The following GTF2H1 variants were observed in gnomAD, a reference collection of about 807,000 sequenced individuals.
The protein encoded by GTF2H1 is general transcription factor IIH subunit 1.
GTF2H1 carries 16 observed loss-of-function variants against 71.2 expected under a neutral mutation model. That is an observed-to-expected ratio of 0.22 (90% CI 0.15 to 0.34). The LOEUF (loss-of-function observed/expected upper bound fraction) is 0.34. Among genes scored for constraint, GTF2H1 ranks in the 10% least tolerant of loss-of-function variants. The pLI is 1.00. For missense variants in GTF2H1, 498 were observed against 648.2 expected (o/e 0.77, Z 2.52); for synonymous variants, 215 against 219.0 (o/e 0.98, Z 0.16).
intron 14 of GTF2H1, among the ~76,000 whole-genome samples, chr11:18,365,327 A>G (rs1043896896): frequency 1.3e-5 from 2 of 152,058 alleles, no homozygotes; most frequent in Non-Finnish European, 2.9e-5. Flanking sequence ...GCAGTGAGCC[A>G]AAATCACACC....
At chr11:18,334,147 A>G (rs1864967331) in intron 2 of GTF2H1, among the ~76,000 whole-genome samples, 1 of 152,172 alleles carries the variant, frequency 6.6e-6, no homozygotes, top group Admixed American at 6.5e-5. Context: ...TGGGAGGCCG[A>G]GGTGGGCGGA....
intron 9 of GTF2H1, among the ~76,000 whole-genome samples, chr11:18,349,456 G>C (rs1865377597): frequency 6.6e-6 from 1 of 152,166 alleles, no homozygotes; most frequent in South Asian, 2.1e-4. Flanking sequence ...TCCAAGGTGG[G>C]TGGATCACTT....
intron 1 of GTF2H1, among the ~76,000 whole-genome samples, chr11:18,323,429 C>T (rs1219414531): frequency 6.6e-6 from 1 of 151,926 alleles, no homozygotes; most frequent in Non-Finnish European, 1.5e-5. Context: ...CCCAAAGCGC[C>T]AGAATTATGC....
At chr11:18,341,462 C>T (rs770782221) in intron 6 of GTF2H1, 52 bp downstream of exon 6, 58 of 1,603,022 alleles carry the variant, frequency 3.6e-5, no homozygotes, top group Non-Finnish European at 4.9e-5. Context: ...ACCCTCTAGA[C>T]ATTATAAGTG....
intron 14 of GTF2H1, among the ~76,000 whole-genome samples, chr11:18,361,817 C>T (rs1865709511): frequency 6.6e-6 from 1 of 152,188 alleles, no homozygotes; most frequent in Non-Finnish European, 1.5e-5. Context: ...TTCCTGGGTT[C>T]TATTTGGCAT....
chr11:18,359,346 G>A (rs1865643794), intron 13 of GTF2H1, among the ~76,000 whole-genome samples: 1 of 152,136 alleles, frequency 6.6e-6, no homozygotes. Context: ...TTGGAGACCA[G>A]CCTGGACAAC....
Position 18,362,724 on chromosome 11 carries a change from G to A in GTF2H1, c.1560+2017G>A, listed in dbSNP as rs77240946. ...CTAGTTCTGTCGCCCAGGCTGGAGTGCAATGGCATGATCACAGCTCATTGC... is the reference window on the plus strand; with the variant it reads ...CTAGTTCTGTCGCCCAGGCTGGAGTACAATGGCATGATCACAGCTCATTGC... On this transcript the variant is annotated intron_variant, in intron 14 of 14. Coordinates refer to ENST00000265963, the MANE Select transcript of GTF2H1 (RefSeq NM_005316.4). Among the ~76,000 whole-genome samples, 1,569 of 140,414 alleles carry A rather than the reference G, an allele frequency of 0.011. 58 individuals are homozygous for A. In the East Asian group the frequency reaches 0.14, roughly 12 times the overall value. 92.1% of individuals were successfully genotyped at this position (140,414 alleles called of 152,430 possible). A position where few individuals can be genotyped will look rare whatever the true frequency, so the allele number is the denominator to read the frequency against.
chr11:18,339,761 T>C, intron 5 of GTF2H1, 104 bp downstream of exon 5: 2 of 671,892 alleles, frequency 3.0e-6, no homozygotes, highest in Non-Finnish European at 5.0e-6. Flanking sequence ...GTGCAATAAA[T>C]TATGTAAAGT....
chr11:18,339,938 C>T (rs929423357), intron 5 of GTF2H1, among the ~76,000 whole-genome samples: 4 of 152,158 alleles, frequency 2.6e-5, no homozygotes, highest in African/African-American at 4.8e-5. Context: ...AATTACTTCC[C>T]GTGCAGATGC....
chr11:18,336,508 G>T (rs906762339), intron 3 of GTF2H1, among the ~76,000 whole-genome samples: 1 of 152,092 alleles, frequency 6.6e-6, no homozygotes, highest in Non-Finnish European at 1.5e-5. Flanking sequence ...TTAGTTTTCA[G>T]CTTTAAAATC....
chr11:18,336,309 T>TA (rs1554953866), intron 3 of GTF2H1, among the ~76,000 whole-genome samples: 8 of 151,984 alleles, frequency 5.3e-5, no homozygotes, highest in Non-Finnish European at 1.2e-4. Flanking sequence ...GTAATTTTAA[T>TA]AGAGACAGGG....
At chr11:18,323,140 CTT>C (rs1014045150) in intron 1 of GTF2H1, among the ~76,000 whole-genome samples, 2 of 152,194 alleles carry the variant, frequency 1.3e-5, no homozygotes, top group African/African-American at 4.8e-5. Flanking sequence ...TCTTACCTCT[CTT>C]AAAAACCTTA....
chr11:18,323,472 C>T (rs1864616292), intron 1 of GTF2H1, among the ~76,000 whole-genome samples: 1 of 151,798 alleles, frequency 6.6e-6, no homozygotes, highest in South Asian at 2.1e-4. Context: ...CTCCTAAACT[C>T]CAATTTTAGC....
chr11:18,349,622 G>T (rs1231528882), intron 9 of GTF2H1, among the ~76,000 whole-genome samples: 1 of 152,204 alleles, frequency 6.6e-6, no homozygotes, highest in African/African-American at 2.4e-5. Context: ...GGCGGAGTTC[G>T]CAGTGAGCTG....
intron 11 of GTF2H1, among the ~76,000 whole-genome samples, chr11:18,355,898 A>G (rs933701108): frequency 6.6e-6 from 1 of 152,170 alleles, no homozygotes; most frequent in Admixed American, 6.5e-5. Context: ...AAGTCTACCC[A>G]TGCCCCTTTA....
chr11:18,336,157 C>T (rs1256796270), intron 3 of GTF2H1, among the ~76,000 whole-genome samples: 7 of 151,282 alleles, frequency 4.6e-5, no homozygotes, highest in South Asian at 2.1e-4. Flanking sequence ...GACGGAGTTT[C>T]GCTCTGTCGC....
At chr11:18,324,052 ATTT>A (rs11287920) in intron 1 of GTF2H1, among the ~76,000 whole-genome samples, 5 of 145,994 alleles carry the variant, frequency 3.4e-5, no homozygotes, top group Non-Finnish European at 1.5e-5. Context: ...CTCAGCCGAC[ATTT>A]TTTTTTTTTT....
At chr11:18,361,445 TC>T (rs1865695665) in intron 14 of GTF2H1, among the ~76,000 whole-genome samples, 3 of 152,120 alleles carry the variant, frequency 2.0e-5, no homozygotes, top group Non-Finnish European at 4.4e-5. Flanking sequence ...GGCAGGCTGA[TC>T]ACTTGAGGTC....
intron 2 of GTF2H1, 101 bp downstream of exon 2, chr11:18,333,329 CTA>C (rs1864946117): frequency 1.1e-5 from 10 of 888,498 alleles, no homozygotes; most frequent in Non-Finnish European, 1.5e-5. Context: ...AAAAAATCAA[CTA>C]TGTAGAAATA....
Sources: allele counts gnomAD v4.1 joint callset (sites outside exome capture counted in the v4.1 genomes callset), GRCh38; gene constraint gnomAD v4.1.1; transcripts MANE v1.5; gene names NCBI Gene and HGNC (gene_info 2026-07-23, HGNC 2026-07-21).